Variants in GRK7 observed in about 807,000 individuals in gnomAD.
GRK7 encodes the protein G protein-coupled receptor kinase 7.
GRK7 carries 24 observed loss-of-function variants against 34.1 expected under a neutral mutation model. The ratio of observed to expected loss-of-function variants is 0.70; its 90% CI spans 0.51 to 0.99. GRK7 has a LOEUF of 0.99. GRK7 is among the 50% of genes least tolerant of loss of function. The probability of loss-of-function intolerance (pLI) is 0.00; values close to 1 mark genes in which losing one functional copy is unlikely to be tolerated. For synonymous variants in GRK7, 256 were observed against 279.4 expected (o/e 0.92, Z 0.84); for missense variants, 644 against 707.3 (o/e 0.91, Z 1.02).
intron 5 of GRK7, among the ~76,000 whole-genome samples, chr3:141,816,339 T>G (rs997169061): frequency 1.3e-5 from 2 of 152,168 alleles, no homozygotes; most frequent in African/African-American, 4.8e-5. Flanking sequence ...GACAGAGATA[T>G]GCTTAACTTG....
At chr3:141,808,579 G>A (rs2107894376) in intron 5 of GRK7, among the ~76,000 whole-genome samples, 1 of 152,158 alleles carries the variant, frequency 6.6e-6, no homozygotes, top group East Asian at 1.9e-4. Flanking sequence ...CGGGGGCGGT[G>A]GCAGGTGCCT....
At chr3:141,810,305 T>A in intron 5 of GRK7, among the ~76,000 whole-genome samples, 1 of 141,008 alleles carries the variant, frequency 7.1e-6, no homozygotes, top group South Asian at 2.4e-4. Flanking sequence ...TCTCTCCCCA[T>A]CCCTCCTTCC....
At chr3:141,793,348 C>A (rs1034908439) in intron 4 of GRK7, among the ~76,000 whole-genome samples, 1 of 152,162 alleles carries the variant, frequency 6.6e-6, no homozygotes, top group Non-Finnish European at 1.5e-5. Context: ...GAGATAGTGT[C>A]ATAATGGATT....
chr3:141,760,045 C>CT (rs1207420486), upstream of GRK7, among the ~76,000 whole-genome samples: 1 of 139,984 alleles, frequency 7.1e-6, no homozygotes, highest in Non-Finnish European at 1.6e-5. Context: ...ATTCTTCTCT[C>CT]TTTTTTTCTT....
intron 4 of GRK7, among the ~76,000 whole-genome samples, chr3:141,799,048 C>T (rs1710922785): frequency 6.6e-6 from 1 of 152,176 alleles, no homozygotes; most frequent in Admixed American, 6.5e-5. Flanking sequence ...CAGAGCATGG[C>T]CCAGGGTCTG....
In GRK7 at chr3:141,763,421, C is replaced by A. The variant is rs1264454835; in HGVS notation, c.-2532C>A. Among the ~76,000 whole-genome samples, 1 of 152,196 alleles carries A rather than the reference C, an allele frequency of 6.6e-6. No individual in the cohort carries two copies. The highest frequency in any genetic ancestry group is 2.4e-5 in the African/African-American group (1 of 41,434). ...TTCTTGCTGTAGCTTCCACCCTTAG[C>A]TCTCAAACCCACTAACTAACCCAGC... On this transcript the variant is annotated 5_prime_UTR_variant, in exon 1 of 6. Coordinates refer to ENST00000682958, the MANE Select transcript of GRK7 (RefSeq NM_139209.3).
chr3:141,812,295 C>T (rs1711100732), intron 5 of GRK7, among the ~76,000 whole-genome samples: 1 of 152,226 alleles, frequency 6.6e-6, no homozygotes, highest in African/African-American at 2.4e-5. Flanking sequence ...GATACTGCCT[C>T]CAGCAACAGC....
At chr3:141,772,001 AAACAAC>A (rs375179963) in intron 1 of GRK7, among the ~76,000 whole-genome samples, 2 of 152,018 alleles carry the variant, frequency 1.3e-5, no homozygotes, top group Admixed American at 6.6e-5. Context: ...ATCTATTTTT[AAACAAC>A]AACAACAACA....
chr3:141,767,437 T>C (rs2084594562), intron 1 of GRK7, among the ~76,000 whole-genome samples: 1 of 151,942 alleles, frequency 6.6e-6, no homozygotes, highest in Non-Finnish European at 1.5e-5. Flanking sequence ...TCCTTCGCAC[T>C]GTCACCCAGG....
At position 141,763,986 on chromosome 3, in the gene GRK7, C is replaced by T. The variant is rs571228962; in HGVS notation, c.-1967C>T. On this transcript the variant is annotated 5_prime_UTR_variant, in exon 1 of 6. It adds an upstream start codon to the 5' untranslated region. Transcript: ENST00000682958. ...CAACTGGACCTGGCAACATGCAAGACGTCTTCATTTCTCTTCATTGCTGCT... is the reference window on the plus strand; with the variant it reads ...CAACTGGACCTGGCAACATGCAAGATGTCTTCATTTCTCTTCATTGCTGCT... 1.3e-5 allele frequency among the ~76,000 whole-genome samples: 2 copies of T among 152,242 alleles called. No homozygotes were observed. Among genetic ancestry groups the T allele is most frequent in the African/African-American group, 4.8e-5 (2 of 41,528 alleles).
In GRK7 at chr3:141,778,946, A is replaced by AG. The variant is rs1189715592; in HGVS notation, c.612+55dup. The stretch of plus-strand genomic sequence containing the variant: ...TAGAAGGTGAAGCATAGAGCATGAA[A>AG]GGGGGTAATGTTGCCTTTCTTTTTT... On this transcript the variant is annotated intron_variant, in intron 3 of 5. Transcript: ENST00000682958. This position sits in a 1 kb window ranked among gnomAD's most constrained non-coding sequence, Gnocchi z 4.1. 6.6e-7 allele frequency: 1 copy of AG among 1,521,804 alleles called. No individual in the cohort carries two copies. Among genetic ancestry groups the AG allele is most frequent in the Non-Finnish European group, 8.8e-7 (1 of 1,130,526 alleles). The allele number at this position is 1,521,804 out of a possible 1,614,324, so 94.3% of individuals were successfully genotyped here. A position where few individuals can be genotyped will look rare whatever the true frequency, so the allele number is the denominator to read the frequency against.
chr3:141,793,291 C>A (rs1485207151), intron 4 of GRK7, among the ~76,000 whole-genome samples: 1 of 152,178 alleles, frequency 6.6e-6, no homozygotes, highest in Non-Finnish European at 1.5e-5. Flanking sequence ...CTAGAGGCAG[C>A]CTTGGGGACT....
intron 4 of GRK7, among the ~76,000 whole-genome samples, chr3:141,799,484 C>T (rs571802703): frequency 6.6e-6 from 1 of 151,876 alleles, no homozygotes; most frequent in Non-Finnish European, 1.5e-5. Flanking sequence ...TGGTGGTGAG[C>T]GCCTGTAATC....
At chr3:141,755,701 T>A in the GRK7 span, among the ~76,000 whole-genome samples, 1 of 152,038 alleles carries the variant, frequency 6.6e-6, no homozygotes, top group Admixed American at 6.5e-5. Flanking sequence ...GATGAACATG[T>A]AGAGGAATTG....
At chr3:141,805,637 T>C (rs2107892833) in intron 4 of GRK7, among the ~76,000 whole-genome samples, 1 of 152,374 alleles carries the variant, frequency 6.6e-6, no homozygotes, top group Non-Finnish European at 1.5e-5. Flanking sequence ...CAGAACTTTC[T>C]TGTTCAGGCC....
rs114766121 is a variant in GRK7, at chr3:141,764,179, C to T, written c.-1774C>T. 0.022 allele frequency among the ~76,000 whole-genome samples: 3,405 copies of T among 152,214 alleles called. 121 individuals are homozygous for T. Among genetic ancestry groups the T allele is most frequent in the African/African-American group, 0.077 (3,198 of 41,532 alleles). ...GATTTCAATACCCACATGGCTGATG[C>T]TTCTCATACCCTGGCCTCTCCATCC... On this transcript the variant is annotated 5_prime_UTR_variant, in exon 1 of 6. Coordinates refer to ENST00000682958, the MANE Select transcript of GRK7 (RefSeq NM_139209.3).
chr3:141,764,335 T>G lies in GRK7; in HGVS notation c.-1618T>G, dbSNP rs2084570042. ...AGCTGCCTCCAATTCATTGATTCTC[T>G]GTTGAACTGACTCTCATAAGGTTTT... is the stretch of plus-strand genomic sequence containing the variant. On this transcript the variant is annotated 5_prime_UTR_variant, in exon 1 of 6. Transcript: ENST00000682958. Among the ~76,000 whole-genome samples, 2 of 152,208 alleles carry G rather than the reference T, an allele frequency of 1.3e-5. No individual in the cohort carries two copies. The highest frequency in any genetic ancestry group is 2.9e-5 in the Non-Finnish European group (2 of 68,040).
At chr3:141,751,979 T>C in the GRK7 span, among the ~76,000 whole-genome samples, 1 of 152,246 alleles carries the variant, frequency 6.6e-6, no homozygotes, top group South Asian at 2.1e-4. Context: ...CTGCATACCT[T>C]CAAAAGATTA....
At chr3:141,785,442 C>A (rs1467201) in intron 4 of GRK7, among the ~76,000 whole-genome samples, 48,808 of 151,774 alleles carry the variant, frequency 0.32, 11,792 homozygotes, top group African/African-American at 0.69. Context: ...GTCAATAGTG[C>A]GAACCCCATC....
Sources: gnomAD v4.1 joint callset for allele counts (sites outside exome capture counted in the v4.1 genomes callset) on GRCh38, gnomAD v4.1.1 for gene constraint, Gnocchi (gnomAD v3.1) non-coding constraint, MANE v1.5 for transcripts, NCBI Gene and HGNC (gene_info 2026-07-23, HGNC 2026-07-21) for gene names.